CCDC149: variants seen among roughly 807,000 people sequenced by gnomAD.
The protein encoded by CCDC149 is coiled-coil domain-containing protein 149.
In CCDC149, 45 loss-of-function variants were observed where a neutral mutation model predicts 59.9. That is an observed-to-expected ratio of 0.75 (90% confidence interval 0.59 to 0.96). CCDC149 has a LOEUF of 0.96. Ranked by LOEUF, CCDC149 falls within the 40% of genes least tolerant of loss-of-function variation. CCDC149 has a pLI of 0.00. For synonymous variants in CCDC149, 245 were observed against 260.6 expected, an observed-to-expected ratio of 0.94 and a Z score of 0.58; for missense variants, 584 against 664.7, an observed-to-expected ratio of 0.88 and a Z score of 1.33.
chr4:24,959,385 T>A (rs1723573121), intron 1 of CCDC149, among the ~76,000 whole-genome samples: 1 of 152,204 alleles, frequency 6.6e-6, no homozygotes, highest in Admixed American at 6.5e-5. Context: ...GATTGATTAT[T>A]CTCCTTGATA....
chr4:24,835,064 G>T, intron 7 of CCDC149, 32 bp from the exon 8 acceptor site: 1 of 1,537,998 alleles, frequency 6.5e-7, no homozygotes. Flanking sequence ...ATAAAAACCC[G>T]TCAGAAAAGC....
intron 1 of CCDC149, among the ~76,000 whole-genome samples, chr4:24,920,413 G>T (rs1298029445): frequency 6.6e-6 from 1 of 152,244 alleles, no homozygotes; most frequent in Non-Finnish European, 1.5e-5. Flanking sequence ...TACCAAGGGA[G>T]CTTCTCACAA....
chr4:24,948,901 C>T (rs1216656097), intron 1 of CCDC149, among the ~76,000 whole-genome samples: 1 of 152,212 alleles, frequency 6.6e-6, no homozygotes, highest in Non-Finnish European at 1.5e-5. Context: ...TTTCCCTGCA[C>T]AAACTCTCTC....
chr4:24,916,627 T>C (rs1365452459), upstream of CCDC149, among the ~76,000 whole-genome samples: 2 of 152,162 alleles, frequency 1.3e-5, no homozygotes, highest in African/African-American at 4.8e-5. Context: ...TAAAGGAAAC[T>C]AAGCAAATCT....
At chr4:24,941,801 A>G (rs1365633645) in intron 1 of CCDC149, among the ~76,000 whole-genome samples, 1 of 152,228 alleles carries the variant, frequency 6.6e-6, no homozygotes, top group Non-Finnish European at 1.5e-5. Flanking sequence ...TCTAGAAGAA[A>G]TGGATAAATT....
chr4:24,941,968 C>T (rs1247458528), intron 1 of CCDC149, among the ~76,000 whole-genome samples: 1 of 152,132 alleles, frequency 6.6e-6, no homozygotes, highest in African/African-American at 2.4e-5. Context: ...ACCAGAGGTA[C>T]AAGTAGGAGC....
At position 24,938,474 on chromosome 4, in the gene CCDC149, G is replaced by A. The variant is rs866332545; in HGVS notation, c.-65+41595C>T. 3.9e-5 allele frequency among the ~76,000 whole-genome samples: 6 copies of A among 152,316 alleles called. No homozygotes were observed. In the South Asian group the frequency reaches 1.0e-3, roughly 26 times the overall value. ...CCAGTCTACAGCTCCCAGCGTAAGC[G>A]ATGCAGAAGACAGGTGATTTCTGCA... On this transcript the variant is annotated intron_variant, in intron 1 of 12. Transcript: ENST00000389609.
At chr4:24,953,115 T>G (rs1045143899) in intron 1 of CCDC149, among the ~76,000 whole-genome samples, 1 of 152,110 alleles carries the variant, frequency 6.6e-6, no homozygotes, top group African/African-American at 2.4e-5. Context: ...TGTTGCCCAC[T>G]GTCTATTGGG....
At chr4:24,830,948 G>A (rs1316659544) in intron 9 of CCDC149, 2 of 152,560 alleles carry the variant, frequency 1.3e-5, no homozygotes, top group African/African-American at 2.4e-5. Flanking sequence ...TAATGGCTAC[G>A]TTAACCTGCT....
chr4:24,815,242 A>C (rs1047746002), intron 12 of CCDC149, among the ~76,000 whole-genome samples: 3 of 152,222 alleles, frequency 2.0e-5, no homozygotes, highest in Non-Finnish European at 4.4e-5. Context: ...TTGCTACTCT[A>C]AAAGTTCTTA....
chr4:24,886,882 G>A (rs778014469), intron 1 of CCDC149, among the ~76,000 whole-genome samples: 1 of 152,006 alleles, frequency 6.6e-6, no homozygotes, highest in East Asian at 1.9e-4. Flanking sequence ...AGTGACACAC[G>A]AATGGAATAA....
upstream of CCDC149, among the ~76,000 whole-genome samples, chr4:24,913,953 A>G (rs1045499614): frequency 6.6e-6 from 1 of 152,198 alleles, no homozygotes; most frequent in Non-Finnish European, 1.5e-5. Context: ...GACCACTATC[A>G]ATAGTGAGCC....
chr4:24,809,182 GC>G (rs1214593263), intron 12 of CCDC149, among the ~76,000 whole-genome samples: 1 of 152,138 alleles, frequency 6.6e-6, no homozygotes, highest in African/African-American at 2.4e-5. Context: ...GCAGCTGAGA[GC>G]CAGGGCTTGT....
chr4:24,888,826 A>T (rs1720352947), intron 1 of CCDC149, among the ~76,000 whole-genome samples: 2 of 152,140 alleles, frequency 1.3e-5, no homozygotes, highest in Non-Finnish European at 2.9e-5. Context: ...GCCTTTTCTA[A>T]ATCTGTATTC....
chr4:24,945,366 A>G (rs183047183), intron 1 of CCDC149, among the ~76,000 whole-genome samples: 1 of 152,308 alleles, frequency 6.6e-6, no homozygotes, highest in Admixed American at 6.5e-5. Context: ...AGATCCAGAG[A>G]CACATAAGGA....
intron 1 of CCDC149, chr4:24,895,121 A>C: frequency 1.1e-6 from 1 of 945,156 alleles, no homozygotes; most frequent in Non-Finnish European, 1.6e-6. Flanking sequence ...AGTGCTGACT[A>C]GGAATAAGAA....
rs148679633 is a variant in CCDC149 at position 24,812,185 on chromosome 4, T to C, written c.1193-3366A>G. Reference sequence around the variant, plus strand: ...ATATCGGCAAAGTCATTTTGCCATATAAGGTAACATTTACAGGTTTCAGGG... The same window carrying C: ...ATATCGGCAAAGTCATTTTGCCATACAAGGTAACATTTACAGGTTTCAGGG... On this transcript the variant is annotated intron_variant, in intron 12 of 12. Coordinates refer to ENST00000635206, the MANE Select transcript of CCDC149 (RefSeq NM_001330643.2). Among the ~76,000 whole-genome samples the C allele has an allele frequency of 1.4e-3, 219 of 152,358 alleles. 2 individuals carry two copies. Among genetic ancestry groups the C allele is most frequent in the African/African-American group, 5.0e-3 (209 of 41,580 alleles).
chr4:24,833,451 C>T (rs759841524), intron 8 of CCDC149, among the ~76,000 whole-genome samples: 2 of 152,072 alleles, frequency 1.3e-5, no homozygotes, highest in African/African-American at 2.4e-5. Context: ...CAGTGGAACC[C>T]CGTCTCTACT....
chr4:24,809,209 G>T (rs549868343), intron 12 of CCDC149, among the ~76,000 whole-genome samples: 26 of 152,284 alleles, frequency 1.7e-4, no homozygotes, highest in East Asian at 3.9e-4. Flanking sequence ...ATGAAAAAAG[G>T]TTCCGGCTGC....
Sources: allele counts gnomAD v4.1 joint callset (sites outside exome capture counted in the v4.1 genomes callset), GRCh38; gene constraint gnomAD v4.1.1; transcripts MANE v1.5; gene names NCBI Gene and HGNC (gene_info 2026-07-23, HGNC 2026-07-21).